The following FBH1 variants were observed in gnomAD, a reference collection of about 807,000 sequenced individuals.
FBH1 encodes DNA 3'-5' helicase 1.
A neutral mutation model predicts 115.5 loss-of-function variants in FBH1; 43 were observed. The observed-to-expected ratio is 0.37, with a 90% CI of 0.29 to 0.48. The LOEUF (loss-of-function observed/expected upper bound fraction) is 0.48. Ranked by LOEUF, FBH1 falls within the 20% of genes least tolerant of loss-of-function variation. The pLI, the probability that FBH1 is intolerant of heterozygous loss-of-function variation, is 0.99. For missense variants in FBH1, 1,001 were observed against 1,337.3 expected (o/e 0.75, Z 3.92); for synonymous variants, 524 against 507.8 (o/e 1.03, Z -0.43).
Position 5,913,401 on chromosome 10 carries a change from C to T in FBH1, c.1212-346C>T, listed in dbSNP as rs932683618. Among the ~76,000 whole-genome samples, 2 of 152,136 alleles carry T rather than the reference C, an allele frequency of 1.3e-5. No individual in the cohort carries two copies. Among genetic ancestry groups the T allele is most frequent in the African/African-American group, 4.8e-5 (2 of 41,418 alleles). ...TATCATTCAAACAAGAGTCTCAGTG[C>T]TAGGAGCAGTGTTTCCCTTTGCCTT... is the stretch of plus-strand genomic sequence containing the variant. On this transcript the variant is annotated intron_variant, in intron 6 of 20. Coordinates refer to ENST00000362091, the MANE Select transcript of FBH1 (RefSeq NM_178150.3). The surrounding 1 kb of genome is among the most constrained non-coding windows in gnomAD (Gnocchi z 4.4).
In FBH1 at chr10:5,921,715, T is replaced by G; in HGVS notation, c.2322+146T>G. On this transcript the variant is annotated intron_variant, in intron 15 of 20. Transcript: ENST00000362091. This position sits in a 1 kb window ranked among gnomAD's most constrained non-coding sequence, Gnocchi z 6.4. ...TTCCACCAGGCTGCACCATGAGTGGTCTCTATCCCAGGCCATTCTGATTAT... is the reference window on the plus strand; with the variant it reads ...TTCCACCAGGCTGCACCATGAGTGGGCTCTATCCCAGGCCATTCTGATTAT... 1 of 1,093,064 alleles carries G rather than the reference T, an allele frequency of 9.1e-7. No homozygotes were observed. The highest frequency in any genetic ancestry group is 1.3e-6 in the Non-Finnish European group (1 of 791,698). 67.7% of individuals were successfully genotyped at this position (1,093,064 alleles called of 1,614,324 possible).
In FBH1 at chr10:5,917,872, T is replaced by A. The variant is rs757541476; in HGVS notation, c.1963+196T>A. 2.6e-5 allele frequency among the ~76,000 whole-genome samples: 4 copies of A among 152,172 alleles called. No individual in the cohort carries two copies. The highest frequency in any genetic ancestry group is 5.9e-5 in the Non-Finnish European group (4 of 68,030). ...TTTCTCTGTCACCATAGGTTTTGCT[T>A]AGGTTGTTCTTAACATGTTGACCAA... On this transcript the variant is annotated intron_variant, in intron 12 of 20. Coordinates refer to ENST00000362091, the MANE Select transcript of FBH1 (RefSeq NM_178150.3). The surrounding 1 kb of genome is among the most constrained non-coding windows in gnomAD (Gnocchi z 5.6).
At position 5,913,765 on chromosome 10, in the gene FBH1, C is replaced by T; in HGVS notation, c.1230C>T (p.Phe410=). 1 of 1,568,362 alleles carries T rather than the reference C, an allele frequency of 6.4e-7. No homozygotes were observed. Among genetic ancestry groups the T allele is most frequent in the Non-Finnish European group, 8.6e-7 (1 of 1,167,472 alleles). Residue 410 remains phenylalanine (F), a synonymous_variant, in exon 7 of 21, where the codon TTC becomes TTT. Transcript: ENST00000362091. The surrounding 1 kb of genome is among the most constrained non-coding windows in gnomAD (Gnocchi z 4.4). The part of the protein sequence containing the change: ...NISNRIHYNI[F]YCLYLQENSC... The stretch of plus-strand genomic sequence containing the variant: ...CTGGTAGGATTCACTACAACATTTT[C>T]TATTGCCTATATCTTCAGGAGAATT...
rs561977243 is a variant in FBH1, at chr10:5,910,915, C to T, written c.1021-23C>T. The T allele has an allele frequency of 2.0e-5, 32 of 1,597,632 alleles. No individual in the cohort carries two copies. The East Asian group carries it at 4.9e-4, about 25-fold the overall frequency. ...ACCATGGCCTGTGGGCTGTCCCTCC[C>T]TCCCTGTGCACCTGGCTTGCAGGGT... On this transcript the variant is annotated intron_variant, in intron 5 of 20. Transcript: ENST00000362091. This position sits in a 1 kb window ranked among gnomAD's most constrained non-coding sequence, Gnocchi z 4.8.
At chr10:5,902,461 A>G (rs912879985) in intron 1 of FBH1, among the ~76,000 whole-genome samples, 1 of 152,208 alleles carries the variant, frequency 6.6e-6, no homozygotes, top group Non-Finnish European at 1.5e-5. Flanking sequence ...ACAGATGCCA[A>G]ACCTCAGTAT....
Position 5,923,788 on chromosome 10 carries a change from TTTCCCTC to T in FBH1, c.2398+93_2398+99del. 1 of 1,234,450 alleles carries T rather than the reference TTTCCCTC, an allele frequency of 8.1e-7. No homozygotes were observed. Among genetic ancestry groups the T allele is most frequent in the Non-Finnish European group, 1.2e-6 (1 of 857,608 alleles). The allele number at this position is 1,234,450 out of a possible 1,614,324, so 76.5% of individuals were successfully genotyped here. ...AGGCCCAGTCTGAGTCAGGGACCCG[TTTCCCTC>T]CAGAGAAGGGCGAGCTAGTGTTGCT... On this transcript the variant is annotated intron_variant, in intron 16 of 20. Coordinates refer to ENST00000362091, the MANE Select transcript of FBH1 (RefSeq NM_178150.3). The surrounding 1 kb of genome is among the most constrained non-coding windows in gnomAD (Gnocchi z 5.7).
intron 1 of FBH1, among the ~76,000 whole-genome samples, chr10:5,893,570 C>A (rs77618029): frequency 6.6e-6 from 1 of 152,138 alleles, no homozygotes; most frequent in Non-Finnish European, 1.5e-5. Flanking sequence ...TGTTTCCTTC[C>A]GCCTTACTGA....
Position 5,913,181 on chromosome 10 carries a change from C to T in FBH1, c.1212-566C>T, listed in dbSNP as rs1194646223. Among the ~76,000 whole-genome samples the T allele has an allele frequency of 6.6e-6, 1 of 152,144 alleles. No individual in the cohort carries two copies. Among genetic ancestry groups the T allele is most frequent in the Admixed American group, 6.5e-5 (1 of 15,276 alleles). On this transcript the variant is annotated intron_variant, in intron 6 of 20. Transcript: ENST00000362091. The surrounding 1 kb of genome is among the most constrained non-coding windows in gnomAD (Gnocchi z 4.4). The stretch of plus-strand genomic sequence containing the variant: ...TTGAACTTTGTCATCTTTGGTCCCT[C>T]TTGGTGACTTGGAGCCTACTGTTTT...
At position 5,924,132 on chromosome 10, in the gene FBH1, GC is replaced by G; in HGVS notation, c.2399-178del. ...CTCAGTCGGAGACGGAGAGGCTACT[GC>G]ACTGCACTGACTTGCCCAGGGACAC... On this transcript the variant is annotated intron_variant, in intron 16 of 20. Coordinates refer to ENST00000362091, the MANE Select transcript of FBH1 (RefSeq NM_178150.3). The surrounding 1 kb of genome is among the most constrained non-coding windows in gnomAD (Gnocchi z 6.2). 1 of 623,572 alleles carries G rather than the reference GC, an allele frequency of 1.6e-6. No individual in the cohort carries two copies. The highest frequency in any genetic ancestry group is 2.8e-5 in the Admixed American group (1 of 36,200). The allele number at this position is 623,572 out of a possible 1,614,324, so 38.6% of individuals were successfully genotyped here.
chr10:5,905,805 T>C (rs568577834), intron 2 of FBH1, among the ~76,000 whole-genome samples: 9 of 152,354 alleles, frequency 5.9e-5, no homozygotes, highest in African/African-American at 2.2e-4. Context: ...CATCACATCA[T>C]GTGAAGACTG....
rs945504304 is a variant in FBH1 at position 5,924,019 on chromosome 10, A to T, written c.2399-292A>T. On this transcript the variant is annotated intron_variant, in intron 16 of 20. Coordinates refer to ENST00000362091, the MANE Select transcript of FBH1 (RefSeq NM_178150.3). This position sits in a 1 kb window ranked among gnomAD's most constrained non-coding sequence, Gnocchi z 6.2. Reference sequence around the variant, plus strand: ...TGGGCCCCAAGTGATAGCGTCGAGCATTTCTATAGCGCTTTTCTTTTCCTG... The same window carrying T: ...TGGGCCCCAAGTGATAGCGTCGAGCTTTTCTATAGCGCTTTTCTTTTCCTG... The T allele has an allele frequency of 1.2e-5, 7 of 561,102 alleles. No individual in the cohort carries two copies. The African/African-American group carries it at 1.3e-4, about 11-fold the overall frequency. The allele number at this position is 561,102 out of a possible 1,614,324, so 34.8% of individuals were successfully genotyped here. A position where few individuals can be genotyped will look rare whatever the true frequency, so the allele number is the denominator to read the frequency against.
chr10:5,920,299 A>AT (rs1201363986), intron 13 of FBH1, among the ~76,000 whole-genome samples: 3 of 152,238 alleles, frequency 2.0e-5, no homozygotes, highest in Non-Finnish European at 4.4e-5. Flanking sequence ...GTTGAGGTGC[A>AT]TACTGTCACC....
chr10:5,924,867 C>T lies in FBH1; in HGVS notation c.2596+359C>T, dbSNP rs924929394. 3.0e-5 allele frequency: 12 copies of T among 398,672 alleles called. No individual in the cohort carries two copies. Among genetic ancestry groups the T allele is most frequent in the African/African-American group, 2.1e-4 (10 of 48,534 alleles). 24.7% of individuals were successfully genotyped at this position (398,672 alleles called of 1,614,324 possible). A position where few individuals can be genotyped will look rare whatever the true frequency, so the allele number is the denominator to read the frequency against. On this transcript the variant is annotated intron_variant, in intron 17 of 20. Coordinates refer to ENST00000362091, the MANE Select transcript of FBH1 (RefSeq NM_178150.3). The surrounding 1 kb of genome is among the most constrained non-coding windows in gnomAD (Gnocchi z 6.2). ...AGGCGTGAGCCACTGCGCCCAGCCTCTTCTGCTGTTTCTTCCCTGTGTGGA... is the reference window on the plus strand; with the variant it reads ...AGGCGTGAGCCACTGCGCCCAGCCTTTTCTGCTGTTTCTTCCCTGTGTGGA...
chr10:5,909,341 G>C lies in FBH1; in HGVS notation c.1020+47G>C, dbSNP rs1479713280. The stretch of plus-strand genomic sequence containing the variant: ...GAAGGCGGCATGTTATTTCACTGGA[G>C]GAAAGTGTACTGGTGATTCAGTTCA... On this transcript the variant is annotated intron_variant, in intron 5 of 20. Coordinates refer to ENST00000362091, the MANE Select transcript of FBH1 (RefSeq NM_178150.3). The surrounding 1 kb of genome is among the most constrained non-coding windows in gnomAD (Gnocchi z 4.4). 6.3e-7 allele frequency: 1 copy of C among 1,584,294 alleles called. No individual in the cohort carries two copies. The highest frequency in any genetic ancestry group is 8.5e-7 in the Non-Finnish European group (1 of 1,170,656).
rs910724588 is a variant in FBH1 at position 5,933,358 on chromosome 10, A to G, written c.2830-3098A>G. 6.6e-6 allele frequency among the ~76,000 whole-genome samples: 1 copy of G among 152,254 alleles called. No individual in the cohort carries two copies. Among genetic ancestry groups the G allele is most frequent in the Non-Finnish European group, 1.5e-5 (1 of 68,042 alleles). ...GGCTGAAATCGTGCCACTGCACTCC[A>G]GTGTGGGCAACAAAGTGAGACTCTG... On this transcript the variant is annotated intron_variant, in intron 19 of 20. Transcript: ENST00000362091. This position sits in a 1 kb window ranked among gnomAD's most constrained non-coding sequence, Gnocchi z 4.9.
In FBH1 at chr10:5,910,139, G is replaced by A. The variant is rs977407090; in HGVS notation, c.1021-799G>A. ...TCTACCAAAAATACAAAAATTAGCCGAGCATGGTGGCATGTGCCTGTAGTA... is the reference window on the plus strand; with the variant it reads ...TCTACCAAAAATACAAAAATTAGCCAAGCATGGTGGCATGTGCCTGTAGTA... On this transcript the variant is annotated intron_variant, in intron 5 of 20. Transcript: ENST00000362091. The surrounding 1 kb of genome is among the most constrained non-coding windows in gnomAD (Gnocchi z 4.8). 2.0e-5 allele frequency among the ~76,000 whole-genome samples: 3 copies of A among 152,032 alleles called. No individual in the cohort carries two copies. The East Asian group carries it at 5.8e-4, about 29-fold the overall frequency.
At chr10:5,928,964 G>T (rs898552518) in intron 19 of FBH1, among the ~76,000 whole-genome samples, 2 of 152,206 alleles carry the variant, frequency 1.3e-5, no homozygotes, top group African/African-American at 4.8e-5. Flanking sequence ...GAGCCGCGCC[G>T]TACTGCCCTA....
chr10:5,920,435 A>G (rs1437418730), intron 13 of FBH1, among the ~76,000 whole-genome samples: 2 of 152,204 alleles, frequency 1.3e-5, no homozygotes, highest in African/African-American at 4.8e-5. Flanking sequence ...AAGTCCCTAT[A>G]TGCAGTCCAC....
At chr10:5,894,819 A>C (rs909572854) in intron 1 of FBH1, among the ~76,000 whole-genome samples, 8 of 152,212 alleles carry the variant, frequency 5.3e-5, no homozygotes, top group Admixed American at 1.3e-4. Context: ...TTAAATACAG[A>C]CTTATACAAA....
Sources: allele counts gnomAD v4.1 joint callset (sites outside exome capture counted in the v4.1 genomes callset), GRCh38; gene constraint gnomAD v4.1.1; non-coding constraint Gnocchi (gnomAD v3.1); transcripts MANE v1.5; gene names NCBI Gene and HGNC (gene_info 2026-07-23, HGNC 2026-07-21).